CHLSN: variants seen among roughly 807,000 people sequenced by gnomAD.
The protein encoded by CHLSN is protein cholesin.
At chr7:1,007,703 T>G in the CHLSN span, among the ~76,000 whole-genome samples, 1 of 152,040 alleles carries the variant, frequency 6.6e-6, no homozygotes, top group Non-Finnish European at 1.5e-5. Flanking sequence ...GAGTCCCCCC[T>G]CCTCCCACAC....
At chr7:986,727 C>T in the CHLSN span, 13 of 1,610,888 alleles carry the variant, frequency 8.1e-6, no homozygotes, top group South Asian at 1.1e-5. Flanking sequence ...CTCCTGGAGG[C>T]GCGGAGGCCC....
the CHLSN span, among the ~76,000 whole-genome samples, chr7:1,124,875 C>T: frequency 4.9e-4 from 75 of 152,318 alleles, no homozygotes; most frequent in South Asian, 9.1e-3. Flanking sequence ...GCGCGGGAGC[C>T]GCAGGACCTC....
chr7:1,086,314 C>T, the CHLSN span, among the ~76,000 whole-genome samples: 5 of 152,248 alleles, frequency 3.3e-5, no homozygotes, highest in Non-Finnish European at 5.9e-5. Flanking sequence ...TTTCTCATGA[C>T]TCACATCTTT....
the CHLSN span, among the ~76,000 whole-genome samples, chr7:980,456 G>A: frequency 2.6e-5 from 4 of 152,204 alleles, no homozygotes; most frequent in Non-Finnish European, 5.9e-5. Context: ...AAGCAACAAT[G>A]CCTTGGCTCA....
chr7:1,124,497 A>G, the CHLSN span, among the ~76,000 whole-genome samples: 2 of 145,066 alleles, frequency 1.4e-5, no homozygotes, highest in Admixed American at 1.4e-4. Flanking sequence ...GTCCATCTGG[A>G]ACCCAAACTA....
chr7:1,068,071 C>T, the CHLSN span, among the ~76,000 whole-genome samples: 101,102 of 152,044 alleles, frequency 0.66, 35,493 homozygotes, highest in African/African-American at 0.9. Flanking sequence ...GCACCAGGCT[C>T]CTCTCCCAGT....
At chr7:1,014,639 C>T in the CHLSN span, among the ~76,000 whole-genome samples, 7 of 152,282 alleles carry the variant, frequency 4.6e-5, no homozygotes, top group Non-Finnish European at 7.3e-5. Flanking sequence ...GGGACAAACA[C>T]GCGGGGCTCC....
chr7:1,041,833 C>T, the CHLSN span, among the ~76,000 whole-genome samples: 3 of 152,026 alleles, frequency 2.0e-5, no homozygotes, highest in African/African-American at 2.4e-5. Flanking sequence ...GCAGACAGAC[C>T]CAGGCCAGCT....
the CHLSN span, among the ~76,000 whole-genome samples, chr7:1,115,986 AC>A: frequency 5.3e-5 from 6 of 113,744 alleles, no homozygotes; most frequent in Admixed American, 1.0e-4. Context: ...CTGCAGCTCT[AC>A]GGACCGGCTT....
the CHLSN span, chr7:1,022,952 C>A: frequency 4.3e-6 from 2 of 469,294 alleles, no homozygotes; most frequent in African/African-American, 2.0e-5. Context: ...CTGGGGCAGG[C>A]GCCGGCTCTG....
the CHLSN span, among the ~76,000 whole-genome samples, chr7:1,069,390 C>T: frequency 6.4e-5 from 8 of 125,582 alleles, no homozygotes; most frequent in Non-Finnish European, 1.1e-4. Context: ...CCTCTCCCCA[C>T]GGTCTCCCTC....
At chr7:1,058,082 C>T in the CHLSN span, 1 of 766,868 alleles carries the variant, frequency 1.3e-6, no homozygotes, top group Admixed American at 1.7e-5. Context: ...CTGCCGACGC[C>T]ACGCTGGTGT....
chr7:1,019,070 C>A, the CHLSN span, among the ~76,000 whole-genome samples: 4 of 152,012 alleles, frequency 2.6e-5, no homozygotes, highest in Admixed American at 1.3e-4. Flanking sequence ...TGGTGCACGT[C>A]TGTAATCCCA....
At chr7:1,126,143 G>A in the CHLSN span, among the ~76,000 whole-genome samples, 21 of 149,872 alleles carry the variant, frequency 1.4e-4, no homozygotes, top group Middle Eastern at 3.6e-3. Flanking sequence ...GGTGGATCAC[G>A]AGGTCAGGAG....
At chr7:1,059,835 G>A in the CHLSN span, among the ~76,000 whole-genome samples, 2 of 41,118 alleles carry the variant, frequency 4.9e-5, no homozygotes, top group Non-Finnish European at 8.7e-5. Flanking sequence ...GGGCGGGTCT[G>A]TAGTGAGGCG....
At chr7:1,130,137 G>A in the CHLSN span, among the ~76,000 whole-genome samples, 10 of 152,208 alleles carry the variant, frequency 6.6e-5, no homozygotes, top group East Asian at 7.7e-4. Context: ...GGGTGGATGC[G>A]GCATTCAAGG....
the CHLSN span, among the ~76,000 whole-genome samples, chr7:1,081,331 G>A: frequency 6.6e-6 from 1 of 152,244 alleles, no homozygotes; most frequent in Non-Finnish European, 1.5e-5. Context: ...CCTCTCCTAA[G>A]ACCCCCAAGT....
chr7:1,016,281 ACACAGCAGTGCACGCCAGCACATAGCAG>A, the CHLSN span, among the ~76,000 whole-genome samples: 1 of 52,280 alleles, frequency 1.9e-5, no homozygotes, highest in African/African-American at 1.9e-4. Context: ...GCACGCCAGC[ACACAGCAGTGCACGCCAGCACATAGCAG>A]CACAGCAGCA....
the CHLSN span, among the ~76,000 whole-genome samples, chr7:1,082,505 G>T: frequency 6.6e-6 from 1 of 152,250 alleles, no homozygotes; most frequent in African/African-American, 2.4e-5. Context: ...GGTTAAACAG[G>T]TGCTGTGAGT....
Sources: gnomAD v4.1 joint callset for allele counts (sites outside exome capture counted in the v4.1 genomes callset) on GRCh38, gnomAD v4.1.1 for gene constraint, MANE v1.5 for transcripts, NCBI Gene and HGNC (gene_info 2026-07-23, HGNC 2026-07-21) for gene names.